The following PRRC2C variants were observed in gnomAD, a reference collection of about 807,000 sequenced individuals.
PRRC2C encodes protein PRRC2C.
In PRRC2C, 72 loss-of-function variants were observed where a neutral mutation model predicts 317.2. The ratio of observed to expected loss-of-function variants is 0.23; its 90% CI spans 0.19 to 0.28. The LOEUF (loss-of-function observed/expected upper bound fraction) is 0.28, where lower values mean the gene tolerates loss of function less well. Ranked by LOEUF, PRRC2C falls within the 10% of genes least tolerant of loss-of-function variation. PRRC2C has a pLI of 1.00. For synonymous variants in PRRC2C, 1,296 were observed against 1,205.9 expected (o/e 1.07, Z -1.55); for missense variants, 3,074 against 3,459.7 (o/e 0.89, Z 2.80).
chr1:171,555,134 C>A (rs1484931042), intron 18 of PRRC2C, among the ~76,000 whole-genome samples: 2 of 152,188 alleles, frequency 1.3e-5, no homozygotes, highest in Admixed American at 6.5e-5. Context: ...CACATAGTCC[C>A]ATATTTCTTG....
chr1:171,486,009 T>TAGA (rs1440939970), intron 1 of PRRC2C, among the ~76,000 whole-genome samples: 1 of 150,918 alleles, frequency 6.6e-6, no homozygotes, highest in East Asian at 2.0e-4. Context: ...TCTGTCTTGC[T>TAGA]CCCACCTAGA....
intron 33 of PRRC2C, 23 bp from the exon 34 acceptor site, chr1:171,589,346 T>G: frequency 2.4e-5 from 22 of 923,192 alleles, no homozygotes; most frequent in Non-Finnish European, 3.2e-5. Flanking sequence ...TTCAATGTTG[T>G]ATGTTTTGTT....
In PRRC2C at chr1:171,556,306, C is replaced by T. The variant is rs115935634; in HGVS notation, c.5128-934C>T. Among the ~76,000 whole-genome samples the T allele has an allele frequency of 4.8e-3, 737 of 152,272 alleles. 4 individuals are homozygous for T. The highest frequency in any genetic ancestry group is 0.016 in the African/African-American group (685 of 41,560). ...AAGTGCAGTATTAGGGCGGGAGTCC[C>T]GATTTTCCAGGTACAGTCTGTCATG... On this transcript the variant is annotated intron_variant, in intron 18 of 34. Transcript: ENST00000647382.
chr1:171,579,681 G>A, intron 27 of PRRC2C, 147 bp from the exon 28 acceptor site: 1 of 1,282,132 alleles, frequency 7.8e-7, no homozygotes, highest in Non-Finnish European at 1.0e-6. Flanking sequence ...AAATTTAGAT[G>A]TTTACATTCA....
chr1:171,543,849 T>A (rs547913451), intron 16 of PRRC2C, among the ~76,000 whole-genome samples: 1 of 152,326 alleles, frequency 6.6e-6, no homozygotes, highest in East Asian at 1.9e-4. Context: ...GAGGGCCTTC[T>A]TGTTGGTAGA....
At position 171,532,413 on chromosome 1, in the gene PRRC2C, A is replaced by T. The variant is rs191833586; in HGVS notation, c.1325A>T (p.Asp442Val). 1 of 1,613,980 alleles carries T rather than the reference A, an allele frequency of 6.2e-7. No individual in the cohort carries two copies. Among genetic ancestry groups the T allele is most frequent in the Non-Finnish European group, 8.5e-7 (1 of 1,179,886 alleles). ...GPFPSKQQVA[D>V]EDEIWKQRRR... ...TTTCCCTCCAAGCAGCAAGTAGCTG[A>T]TGAAGATGAAATATGGAAGCAAAGA... The change falls in exon 12 of 35, where the codon GAT becomes GTT. Residue 442 changes from aspartate to valine, a missense_variant. Coordinates refer to ENST00000647382, the MANE Select transcript of PRRC2C (RefSeq NM_001387844.1).
intron 17 of PRRC2C, among the ~76,000 whole-genome samples, chr1:171,547,411 A>G (rs1679315800): frequency 6.6e-6 from 1 of 152,198 alleles, no homozygotes; most frequent in South Asian, 2.1e-4. Context: ...AGTGTAAGTG[A>G]AAAACTGAGA....
chr1:171,512,339 A>C (rs1671529750), intron 2 of PRRC2C, 139 bp downstream of exon 2: 1 of 638,264 alleles, frequency 1.6e-6, no homozygotes, highest in Non-Finnish European at 2.9e-6. Flanking sequence ...GCATGCACAC[A>C]TTTTTCAGAG....
At position 171,540,833 on chromosome 1, in the gene PRRC2C, A is replaced by T; in HGVS notation, c.3367A>T (p.Thr1123Ser). The change falls in exon 16 of 35, where the codon ACT (threonine) becomes TCT (serine). Residue 1123 changes from threonine (T) to serine (S), a missense_variant. Physicochemically the swap from Thr to Ser is moderately conservative, Grantham distance 58. Around this residue, in one of 11 missense-constraint regions of PRRC2C, gnomAD observed 1,320 missense variants for 1,395.7 expected, o/e 0.95. Transcript: ENST00000647382. ...TGTTCAGGTAGAGCCTGCAGTTAAGACTGTAAACCAACAGACTATGGCAGC... is the reference window on the plus strand; with the variant it reads ...TGTTCAGGTAGAGCCTGCAGTTAAGTCTGTAAACCAACAGACTATGGCAGC... ...STVQVEPAVK[T>S]VNQQTMAAPV... 6.2e-7 allele frequency: 1 copy of T among 1,613,766 alleles called. No homozygotes were observed.
At chr1:171,492,877 G>A (rs368154813) in intron 1 of PRRC2C, among the ~76,000 whole-genome samples, 13 of 151,674 alleles carry the variant, frequency 8.6e-5, no homozygotes, top group Non-Finnish European at 1.9e-4. Flanking sequence ...TCAGCAGCCC[G>A]AGTAGCTGGG....
chr1:171,522,497 C>T lies in PRRC2C; in HGVS notation c.833+238C>T, dbSNP rs903433940. On this transcript the variant is annotated intron_variant, in intron 7 of 34. Coordinates refer to ENST00000647382, the MANE Select transcript of PRRC2C (RefSeq NM_001387844.1). Reference sequence around the variant, plus strand: ...TGAAAACTGAAAACCAGGCCGGGGACGGTGGCTCACCCCTGTAATCCCAGC... The same window carrying T: ...TGAAAACTGAAAACCAGGCCGGGGATGGTGGCTCACCCCTGTAATCCCAGC... 6 of 244,792 alleles carry T rather than the reference C, an allele frequency of 2.5e-5. No individual in the cohort carries two copies. In the South Asian group the frequency reaches 3.1e-4, roughly 13 times the overall value. The allele number at this position is 244,792 out of a possible 1,614,324, so 15.2% of individuals were successfully genotyped here. A position where few individuals can be genotyped will look rare whatever the true frequency, so the allele number is the denominator to read the frequency against.
chr1:171,546,103 T>G (rs1442120369), intron 17 of PRRC2C, among the ~76,000 whole-genome samples: 1 of 152,144 alleles, frequency 6.6e-6, no homozygotes, highest in Non-Finnish European at 1.5e-5. Flanking sequence ...GTAAAATTGG[T>G]GTCTAAGATG....
Position 171,587,668 on chromosome 1 carries a change from AGCC to A in PRRC2C, c.7990_7992del (p.Ala2664del). ...CTCAGATGTCTGAAATGGAACTAAAAGCCTTTGGAAGTGGCATTGATATAAAAC... is the reference window on the plus strand; with the variant it reads ...CTCAGATGTCTGAAATGGAACTAAAATTTGGAAGTGGCATTGATATAAAAC... On this transcript the variant is annotated inframe_deletion, in exon 32 of 35. Transcript: ENST00000647382. The A allele has an allele frequency of 1.2e-6, 2 of 1,611,810 alleles. No individual in the cohort carries two copies. The highest frequency in any genetic ancestry group is 2.2e-5 in the South Asian group (2 of 90,980).
chr1:171,499,344 A>C lies in PRRC2C; in HGVS notation c.-57-12688A>C, dbSNP rs1339243777. Among the ~76,000 whole-genome samples, 5 of 152,252 alleles carry C rather than the reference A, an allele frequency of 3.3e-5. No individual in the cohort carries two copies. The South Asian group carries it at 8.3e-4, about 25-fold the overall frequency. ...TAATCATTTTGAGTTTGAAGTTCCA[A>C]CAGGAAATGTAAGTGATGTTTTGTA... On this transcript the variant is annotated intron_variant, in intron 1 of 34. Transcript: ENST00000647382.
rs902730005 is a variant in PRRC2C, at chr1:171,584,184, C to G, written c.7638C>G (p.Leu2546=). ...GGSQLIDTHL[L]QARANLTQAS... ...CCCAGCTGATTGACACACATCTTCT[C>G]CAGGTAAGTCAGGGGACTAGAGCAA... The change falls in exon 29 of 35, where the codon CTC becomes CTG. Residue 2546 remains leucine, a synonymous_variant. Transcript: ENST00000647382. 6.2e-7 allele frequency: 1 copy of G among 1,609,508 alleles called. No homozygotes were observed. The highest frequency in any genetic ancestry group is 1.3e-5 in the African/African-American group (1 of 74,806).
chr1:171,544,184 G>A (rs922619458), intron 16 of PRRC2C, among the ~76,000 whole-genome samples: 4 of 151,984 alleles, frequency 2.6e-5, no homozygotes, highest in African/African-American at 4.8e-5. Context: ...GTGCAGTGGC[G>A]CAATCTCTGC....
In PRRC2C at chr1:171,542,124, G is replaced by A. The variant is rs779110477; in HGVS notation, c.4658G>A (p.Arg1553His). The stretch of plus-strand genomic sequence containing the variant: ...TTTTCTAGTCAGAGACCAGTAGATC[G>A]TCAGAATCGACGTGGCAACAATGGT... ...RSFSSQRPVD[R>H]QNRRGNNGPP... Residue 1553 changes from arginine (R) to histidine (H), a missense_variant, in exon 16 of 35, where the codon CGT becomes CAT. Physicochemically the swap from Arg to His is conservative, Grantham distance 29 (BLOSUM62 0). Coordinates refer to ENST00000647382, the MANE Select transcript of PRRC2C (RefSeq NM_001387844.1). 7 of 1,613,448 alleles carry A rather than the reference G, an allele frequency of 4.3e-6. No homozygotes were observed. Among genetic ancestry groups the A allele is most frequent in the Admixed American group, 1.7e-5 (1 of 59,964 alleles).
intron 11 of PRRC2C, among the ~76,000 whole-genome samples, chr1:171,531,202 G>A (rs765696578): frequency 6.6e-6 from 1 of 151,954 alleles, no homozygotes; most frequent in African/African-American, 2.4e-5. Context: ...GGGGCCACAG[G>A]GGGAGGCAGA....
intron 30 of PRRC2C, among the ~76,000 whole-genome samples, chr1:171,585,287 C>T (rs891414262): frequency 7.2e-5 from 11 of 152,298 alleles, no homozygotes; most frequent in Admixed American, 6.5e-4. Context: ...GTTAGCTATA[C>T]ATACAACAGT....
Sources: allele counts gnomAD v4.1 joint callset (sites outside exome capture counted in the v4.1 genomes callset), GRCh38; gene constraint gnomAD v4.1.1; regional missense constraint gnomAD v4.1.1; transcripts MANE v1.5; gene names NCBI Gene and HGNC (gene_info 2026-07-23, HGNC 2026-07-21).